Variants in RBFOX1 observed in about 807,000 individuals in gnomAD.
The protein encoded by RBFOX1 is RNA binding protein fox-1 homolog 1.
A neutral mutation model predicts 57.7 loss-of-function variants in RBFOX1; 8 were observed. The ratio of observed to expected loss-of-function variants is 0.14; its 90% confidence interval spans 0.08 to 0.25. The LOEUF (loss-of-function observed/expected upper bound fraction) is 0.25, where lower values mean the gene tolerates loss of function less well. Among genes scored for constraint, RBFOX1 ranks in the 10% least tolerant of loss-of-function variants. The pLI, the probability that RBFOX1 is intolerant of heterozygous loss-of-function variation, is 1.00. For missense variants in RBFOX1, 611 were observed against 548.5 expected, an observed-to-expected ratio of 1.11 and a Z score of -1.14; for synonymous variants, 326 against 222.4, an observed-to-expected ratio of 1.47 and a Z score of -4.15.
intron 3 of RBFOX1, among the ~76,000 whole-genome samples, chr16:5,616,848 G>C (rs1018394225): frequency 7.3e-6 from 1 of 136,166 alleles, no homozygotes; most frequent in African/African-American, 2.8e-5. Flanking sequence ...CTCCTCCTTT[G>C]CTCCTCATCC....
rs1222464385 is a variant in RBFOX1 at position 5,946,037 on chromosome 16, G to T, written c.351+78702G>T. Among the ~76,000 whole-genome samples, 1 of 152,200 alleles carries T rather than the reference G, an allele frequency of 6.6e-6. No individual in the cohort carries two copies. The highest frequency in any genetic ancestry group is 1.5e-5 in the Non-Finnish European group (1 of 68,036). ...GGGTTTAAAAAGAGAAAAGAAGTCT[G>T]CTTTGTTTGCTAGTAAAGTGAGGGG... On this transcript the variant is annotated intron_variant, in intron 4 of 19. Transcript: ENST00000641259. This position sits in a 1 kb window ranked among gnomAD's most constrained non-coding sequence, Gnocchi z 4.6.
chr16:5,917,558 G>T (rs1348205208), intron 4 of RBFOX1, among the ~76,000 whole-genome samples: 2 of 152,166 alleles, frequency 1.3e-5, no homozygotes, highest in Non-Finnish European at 2.9e-5. Flanking sequence ...AGCCACAGTG[G>T]GTGGGAAGGA....
chr16:5,848,192 C>T (rs973178825), intron 3 of RBFOX1, among the ~76,000 whole-genome samples: 1 of 152,126 alleles, frequency 6.6e-6, no homozygotes, highest in African/African-American at 2.4e-5. Flanking sequence ...TCCAGCCTGA[C>T]ACCACTAGAC....
At chr16:5,799,277 G>A (rs1175437659) in intron 3 of RBFOX1, among the ~76,000 whole-genome samples, 1 of 151,962 alleles carries the variant, frequency 6.6e-6, no homozygotes, top group African/African-American at 2.4e-5. Flanking sequence ...TCTCCCACTG[G>A]GTTCCTCCCA....
At position 7,038,258 on chromosome 16, in the gene RBFOX1, T is replaced by C. The variant is rs563597518; in HGVS notation, c.-15-13799T>C. 9.2e-5 allele frequency among the ~76,000 whole-genome samples: 14 copies of C among 152,172 alleles called. 1 individual carries two copies. Among genetic ancestry groups the C allele is most frequent in the African/African-American group, 3.4e-4 (14 of 41,516 alleles). On this transcript the variant is annotated intron_variant, in intron 3 of 15. Coordinates refer to ENST00000550418, the MANE Select transcript of RBFOX1 (RefSeq NM_018723.4). ...TAGTTACCCAGGACATTTTGGTGAG[T>C]ATTGCTTGAATTTTCTTAGACTGAG...
intron 1 of RBFOX1, among the ~76,000 whole-genome samples, chr16:5,376,664 C>A (rs779736380): frequency 7.9e-5 from 12 of 151,880 alleles, no homozygotes; most frequent in Non-Finnish European, 1.8e-4. Flanking sequence ...AGGCGTGGCA[C>A]ATGCTGCGGG....
At chr16:5,681,620 C>G (rs900197001) in intron 3 of RBFOX1, among the ~76,000 whole-genome samples, 1 of 151,676 alleles carries the variant, frequency 6.6e-6, no homozygotes, top group Non-Finnish European at 1.5e-5. Flanking sequence ...CTCGAACTCC[C>G]GACCTCAGGT....
chr16:7,523,652 G>T (rs891675105), intron 5 of RBFOX1, among the ~76,000 whole-genome samples: 1 of 152,180 alleles, frequency 6.6e-6, no homozygotes, highest in African/African-American at 2.4e-5. Flanking sequence ...GGCTGAAGCA[G>T]GTGGGCTTTG....
At chr16:6,791,993 G>A (rs2083056208) in intron 3 of RBFOX1, among the ~76,000 whole-genome samples, 1 of 152,136 alleles carries the variant, frequency 6.6e-6, no homozygotes, top group South Asian at 2.1e-4. Context: ...GTCTGACTTT[G>A]AACTCTGGAG....
At chr16:5,350,904 CATAA>C (rs1434301761) in intron 1 of RBFOX1, among the ~76,000 whole-genome samples, 2 of 95,906 alleles carry the variant, frequency 2.1e-5, no homozygotes, top group African/African-American at 7.6e-5. Flanking sequence ...TAATCATAAT[CATAA>C]TGCATCTCGC....
intron 1 of RBFOX1, among the ~76,000 whole-genome samples, chr16:5,331,326 T>C (rs922604249): frequency 1.5e-4 from 23 of 152,238 alleles, no homozygotes; most frequent in Admixed American, 1.3e-4. Flanking sequence ...AAGTGCTGTG[T>C]AACAAATCAC....
intron 4 of RBFOX1, among the ~76,000 whole-genome samples, chr16:7,404,725 C>CAAAA (rs1173723242): frequency 1.3e-5 from 2 of 151,786 alleles, no homozygotes; most frequent in Non-Finnish European, 2.9e-5. Flanking sequence ...AACAAACAAA[C>CAAAA]AAAACCGAAT....
At chr16:6,931,335 A>ATCTATCTG (rs1392045619) in intron 3 of RBFOX1, among the ~76,000 whole-genome samples, 9 of 105,916 alleles carry the variant, frequency 8.5e-5, no homozygotes, top group Non-Finnish European at 1.4e-4. Flanking sequence ...CTATCTATCT[A>ATCTATCTG]TCTCTACACA....
At chr16:6,570,318 A>G (rs1030953374) in intron 2 of RBFOX1, among the ~76,000 whole-genome samples, 1 of 152,188 alleles carries the variant, frequency 6.6e-6, no homozygotes, top group South Asian at 2.1e-4. Flanking sequence ...CTCTCAATGT[A>G]TGCTGCATAA....
At chr16:7,148,843 G>A (rs1397031478) in intron 4 of RBFOX1, among the ~76,000 whole-genome samples, 6 of 152,162 alleles carry the variant, frequency 3.9e-5, no homozygotes, top group Admixed American at 3.9e-4. Context: ...TTGTAGCAAA[G>A]TGACCCTCGG....
intron 5 of RBFOX1, among the ~76,000 whole-genome samples, chr16:7,572,621 C>T (rs2092903463): frequency 6.6e-6 from 1 of 152,046 alleles, no homozygotes; most frequent in Non-Finnish European, 1.5e-5. Context: ...GGGCGGATCA[C>T]GAGGTCAGGA....
intron 2 of RBFOX1, among the ~76,000 whole-genome samples, chr16:6,643,594 C>T (rs2098509692): frequency 6.6e-6 from 1 of 152,108 alleles, no homozygotes; most frequent in South Asian, 2.1e-4. Context: ...AACTTTAGAA[C>T]ATTGGTTTAA....
intron 1 of RBFOX1, among the ~76,000 whole-genome samples, chr16:6,102,551 C>G (rs954504629): frequency 1.3e-5 from 2 of 151,524 alleles, no homozygotes; most frequent in African/African-American, 4.9e-5. Context: ...CAGGATAATT[C>G]TCTCTCTCTC....
intron 1 of RBFOX1, among the ~76,000 whole-genome samples, chr16:5,416,364 G>A (rs1037555940): frequency 3.9e-5 from 6 of 152,280 alleles, no homozygotes; most frequent in African/African-American, 1.4e-4. Flanking sequence ...ATCATTAGCT[G>A]TATATACATA....
Sources: gnomAD v4.1 joint callset for allele counts (sites outside exome capture counted in the v4.1 genomes callset) on GRCh38, gnomAD v4.1.1 for gene constraint, Gnocchi (gnomAD v3.1) non-coding constraint, MANE v1.5 for transcripts, NCBI Gene and HGNC (gene_info 2026-07-23, HGNC 2026-07-21) for gene names.